KCTD1: variants seen among roughly 807,000 people sequenced by gnomAD.
KCTD1 encodes BTB/POZ domain-containing protein KCTD1.
Under a neutral mutation model 66.0 loss-of-function variants are expected in KCTD1, and 24 were observed. The observed-to-expected ratio is 0.36, with a 90% CI of 0.26 to 0.51. The LOEUF is 0.51. KCTD1 is among the 20% of genes least tolerant of loss of function. KCTD1 has a pLI of 0.95. For missense variants in KCTD1, 943 were observed against 1,205.2 expected (o/e 0.78, Z 3.22); for synonymous variants, 511 against 517.2 (o/e 0.99, Z 0.16).
chr18:26,558,971 T>G (rs1470197197), intron 1 of KCTD1, among the ~76,000 whole-genome samples: 1 of 151,354 alleles, frequency 6.6e-6, no homozygotes. Flanking sequence ...AAGAATGAGA[T>G]CCTGTCATTT....
intron 1 of KCTD1, among the ~76,000 whole-genome samples, chr18:26,590,878 T>A (rs947028706): frequency 6.6e-6 from 1 of 152,176 alleles, no homozygotes; most frequent in African/African-American, 2.4e-5. Flanking sequence ...TAAAAACTAA[T>A]AATTTTTTTC....
chr18:26,567,906 C>A (rs1272200313), intron 1 of KCTD1, among the ~76,000 whole-genome samples: 2 of 152,144 alleles, frequency 1.3e-5, no homozygotes, highest in African/African-American at 4.8e-5. Context: ...CTTACTGCAT[C>A]AGAAGGAGGA....
At chr18:26,601,679 T>C (rs1986903343) in intron 1 of KCTD1, among the ~76,000 whole-genome samples, 1 of 152,218 alleles carries the variant, frequency 6.6e-6, no homozygotes, top group African/African-American at 2.4e-5. Context: ...TTTAGGTCTT[T>C]AATTTTCTTC....
intron 1 of KCTD1, among the ~76,000 whole-genome samples, chr18:26,613,194 T>G (rs181354249): frequency 2.8e-3 from 420 of 152,284 alleles, no homozygotes; most frequent in African/African-American, 9.4e-3. Flanking sequence ...TGATGAAAAA[T>G]CAATGGATGT....
At chr18:26,589,866 G>A (rs1285988624) in intron 1 of KCTD1, among the ~76,000 whole-genome samples, 1 of 152,128 alleles carries the variant, frequency 6.6e-6, no homozygotes, top group African/African-American at 2.4e-5. Context: ...TGCTGATAAA[G>A]GGATGCATGG....
chr18:26,536,251 C>A (rs1984704355), intron 1 of KCTD1, among the ~76,000 whole-genome samples: 1 of 152,122 alleles, frequency 6.6e-6, no homozygotes, highest in Non-Finnish European at 1.5e-5. Flanking sequence ...GGTACCAGTT[C>A]TGGATTTTGT....
At chr18:26,576,799 T>C (rs1986235631) in intron 1 of KCTD1, among the ~76,000 whole-genome samples, 1 of 152,230 alleles carries the variant, frequency 6.6e-6, no homozygotes, top group African/African-American at 2.4e-5. Context: ...GCTCAGAATA[T>C]TTATTAATCA....
intron 1 of KCTD1, among the ~76,000 whole-genome samples, chr18:26,586,928 T>C (rs1391411125): frequency 6.6e-6 from 1 of 152,212 alleles, no homozygotes; most frequent in Admixed American, 6.5e-5. Flanking sequence ...AACATGAAAG[T>C]GCAAGGTAAA....
chr18:26,536,364 T>C (rs750806521), intron 1 of KCTD1, among the ~76,000 whole-genome samples: 1 of 152,142 alleles, frequency 6.6e-6, no homozygotes, highest in Non-Finnish European at 1.5e-5. Flanking sequence ...TTACTTGGAG[T>C]GGGGACACCT....
intron 1 of KCTD1, among the ~76,000 whole-genome samples, chr18:26,616,996 C>G (rs931293547): frequency 6.6e-6 from 1 of 152,184 alleles, no homozygotes; most frequent in Non-Finnish European, 1.5e-5. Flanking sequence ...AACAAGCAAA[C>G]CTTGCCATTA....
intron 3 of KCTD1, among the ~76,000 whole-genome samples, chr18:26,472,123 T>G (rs1454722636): frequency 6.6e-6 from 1 of 151,916 alleles, no homozygotes; most frequent in East Asian, 1.9e-4. Context: ...TTCTTGGTGG[T>G]GGTGGTGGCA....
chr18:26,492,605 CAATAAATAAATA>C (rs56266790), intron 2 of KCTD1, among the ~76,000 whole-genome samples: 2,796 of 138,576 alleles, frequency 0.02, 80 homozygotes, highest in African/African-American at 0.058. Flanking sequence ...GACACTGTCT[CAATAAATAAATA>C]AATAAATAAA....
In KCTD1 at chr18:26,620,432, A is replaced by AT. The variant is rs76367093; in HGVS notation, c.-16+8714dup. ...CTTTTATGACAGCAATCAAAATTGC[A>AT]TTTTTTTTTTTTTTTTTTTTTTGAG... On this transcript the variant is annotated intron_variant, in intron 1 of 4. Coordinates refer to the KCTD1 transcript ENST00000317932. Among the ~76,000 whole-genome samples the AT allele has an allele frequency of 4.2e-3, 312 of 74,364 alleles. 14 individuals carry two copies. The highest frequency in any genetic ancestry group is 0.011 in the African/African-American group (207 of 18,106). The allele number at this position is 74,364 out of a possible 152,430, so 48.8% of individuals were successfully genotyped here.
At chr18:26,639,791 T>C (rs187880990) in intron 1 of KCTD1, among the ~76,000 whole-genome samples, 9 of 152,202 alleles carry the variant, frequency 5.9e-5, no homozygotes, top group Admixed American at 3.3e-4. Flanking sequence ...CTGGGTCGCA[T>C]AGTTGGAAGC....
Position 26,547,072 on chromosome 18 carries a change from G to A in KCTD1, c.1465C>T (p.Arg489Trp). The change falls in exon 1 of 5, where the codon CGG becomes TGG. Residue 489 changes from arginine to tryptophan, a missense_variant. By Grantham distance (101) the Arg-to-Trp change is moderately radical. This residue lies in a region of KCTD1 where 197 missense variants were observed against 182.7 expected (regional missense o/e 1.08). Coordinates refer to ENST00000580059, the MANE Select transcript of KCTD1 (RefSeq NM_001142730.3). Reference protein sequence around the residue: ...CYAEALNGAARHHSHHPPTHP... With the variant: ...CYAEALNGAAWHHSHHPPTHP... ...GTGGGGGGGTGGTGGGAGTGGTGCCGTGCCGCCCCGTTCAGAGCCTCGGCG... is the reference window on the plus strand; with the variant it reads ...GTGGGGGGGTGGTGGGAGTGGTGCCATGCCGCCCCGTTCAGAGCCTCGGCG... 3.3e-6 allele frequency: 5 copies of A among 1,531,360 alleles called. No homozygotes were observed. Among genetic ancestry groups the A allele is most frequent in the East Asian group, 2.5e-5 (1 of 40,722 alleles). The allele number at this position is 1,531,360 out of a possible 1,614,324, so 94.9% of individuals were successfully genotyped here.
intron 1 of KCTD1, among the ~76,000 whole-genome samples, chr18:26,571,536 C>G (rs1027227655): frequency 2.0e-5 from 3 of 152,114 alleles, no homozygotes; most frequent in African/African-American, 7.2e-5. Flanking sequence ...TAAATCATCT[C>G]TAGATTACTT....
intron 2 of KCTD1, among the ~76,000 whole-genome samples, chr18:26,487,937 C>T (rs1321407158): frequency 6.6e-6 from 1 of 152,208 alleles, no homozygotes; most frequent in African/African-American, 2.4e-5. Context: ...TGATCATGTA[C>T]AGGCATTGAA....
intron 1 of KCTD1, 37 bp downstream of exon 1, chr18:26,546,691 A>T (rs1555641334): frequency 6.6e-7 from 1 of 1,519,666 alleles, no homozygotes. Context: ...AAGTGGTACC[A>T]AAGAAACATT....
chr18:26,607,056 A>G (rs1236077859), intron 1 of KCTD1, among the ~76,000 whole-genome samples: 1 of 152,022 alleles, frequency 6.6e-6, no homozygotes, highest in Non-Finnish European at 1.5e-5. Flanking sequence ...TTTTTATGAG[A>G]CAGGGTCTTG....
Sources: gnomAD v4.1 joint callset for allele counts (sites outside exome capture counted in the v4.1 genomes callset) on GRCh38, gnomAD v4.1.1 for gene constraint, gnomAD v4.1.1 regional missense constraint, MANE v1.5 for transcripts, NCBI Gene and HGNC (gene_info 2026-07-23, HGNC 2026-07-21) for gene names.